Variants in SLC22A23 observed in about 807,000 individuals in gnomAD.
The protein encoded by SLC22A23 is ion transporter protein.
Under a neutral mutation model 61.0 loss-of-function variants are expected in SLC22A23, and 26 were observed. That is an observed-to-expected ratio of 0.43 (90% CI 0.31 to 0.59). The LOEUF (loss-of-function observed/expected upper bound fraction) is 0.59. SLC22A23 is among the 20% of genes least tolerant of loss of function. SLC22A23 has a pLI of 0.11. For missense variants in SLC22A23, 796 were observed against 934.7 expected (o/e 0.85, Z 1.94); for synonymous variants, 430 against 413.9 (o/e 1.04, Z -0.47).
chr6:3,348,870 G>A (rs563298705), intron 3 of SLC22A23, among the ~76,000 whole-genome samples: 2 of 152,350 alleles, frequency 1.3e-5, no homozygotes, highest in South Asian at 2.1e-4. Flanking sequence ...CCAGGGCAGG[G>A]AGGGCTTAGG....
At position 3,272,846 on chromosome 6, in the gene SLC22A23, A is replaced by T. The variant is rs1163306845; in HGVS notation, c.*209T>A. The T allele has an allele frequency of 2.1e-6, 1 of 483,280 alleles. No individual in the cohort carries two copies. Among genetic ancestry groups the T allele is most frequent in the Non-Finnish European group, 3.6e-6 (1 of 275,504 alleles). The allele number at this position is 483,280 out of a possible 1,614,324, so 29.9% of individuals were successfully genotyped here. On this transcript the variant is annotated 3_prime_UTR_variant, in exon 10 of 10. Transcript: ENST00000406686. ...ATACACACATTTAACGGCAGAAAAG[A>T]AAGTCTTGAAAGGGTTATTTCCAAA...
Position 3,320,142 on chromosome 6 carries a change from C to T in SLC22A23, c.1082+3692G>A, listed in dbSNP as rs565820522. ...TCACGCTTCTCTCTGGTTCAGATGC[C>T]CTGGGAGCTGCCTCTGTGTCTGCTC... is the stretch of plus-strand genomic sequence containing the variant. On this transcript the variant is annotated intron_variant, in intron 4 of 9. Transcript: ENST00000406686. Among the ~76,000 whole-genome samples the T allele has an allele frequency of 1.3e-5, 2 of 152,292 alleles. 1 individual carries two copies. The highest frequency in any genetic ancestry group is 4.8e-5 in the African/African-American group (2 of 41,548).
At chr6:3,283,449 T>C in intron 9 of SLC22A23, 2 of 261,188 alleles carry the variant, frequency 7.7e-6, no homozygotes, top group Non-Finnish European at 1.5e-5. Flanking sequence ...GGCCGGGGGG[T>C]AGGCTCTTTC....
chr6:3,282,744 CAGTA>C, intron 9 of SLC22A23, among the ~76,000 whole-genome samples: 1 of 152,332 alleles, frequency 6.6e-6, no homozygotes, highest in African/African-American at 2.4e-5. Context: ...TCAAGCTCCT[CAGTA>C]AGTCACAAAC....
At chr6:3,298,994 A>C (rs1342922791) in intron 4 of SLC22A23, among the ~76,000 whole-genome samples, 3 of 151,732 alleles carry the variant, frequency 2.0e-5, no homozygotes, top group African/African-American at 7.3e-5. Flanking sequence ...AAAAAAAAAA[A>C]AATGTTCCCA....
intron 1 of SLC22A23, among the ~76,000 whole-genome samples, chr6:3,447,895 C>CA (rs746167920): frequency 1.3e-5 from 1 of 78,130 alleles, no homozygotes. Flanking sequence ...GCCTCTCTCT[C>CA]TCTTTTTTTT....
intron 6 of SLC22A23, among the ~76,000 whole-genome samples, chr6:3,287,848 T>A (rs1439993534): frequency 1.3e-5 from 2 of 152,090 alleles, no homozygotes; most frequent in Non-Finnish European, 2.9e-5. Context: ...CATGCCCAGC[T>A]AATTTTTGTA....
At chr6:3,416,103 T>C (rs1769682701) in intron 1 of SLC22A23, among the ~76,000 whole-genome samples, 1 of 152,210 alleles carries the variant, frequency 6.6e-6, no homozygotes, top group African/African-American at 2.4e-5. Context: ...ACGCAGGAAG[T>C]CTGGGGATGT....
In SLC22A23 at chr6:3,437,903, A is replaced by G. The variant is rs532871874; in HGVS notation, c.654+18003T>C. 1.1e-3 allele frequency among the ~76,000 whole-genome samples: 169 copies of G among 151,902 alleles called. 1 individual carries two copies. The highest frequency in any genetic ancestry group is 3.9e-3 in the African/African-American group (163 of 41,500). Reference sequence around the variant, plus strand: ...GCTGGGACTACAGGCATGTGCCACCACACCCAGCTAATTTTTTCGTGAAGA... The same window carrying G: ...GCTGGGACTACAGGCATGTGCCACCGCACCCAGCTAATTTTTTCGTGAAGA... On this transcript the variant is annotated intron_variant, in intron 1 of 9. Transcript: ENST00000406686.
intron 9 of SLC22A23, chr6:3,282,174 G>A (rs1759527365): frequency 1.4e-6 from 1 of 702,240 alleles, no homozygotes; most frequent in Admixed American, 2.0e-5. Context: ...CTGGTCTATT[G>A]AAAGACTTGG....
chr6:3,408,620 G>A (rs1443999858), intron 3 of SLC22A23, among the ~76,000 whole-genome samples: 1 of 152,154 alleles, frequency 6.6e-6, no homozygotes, highest in Admixed American at 6.5e-5. Context: ...CCCATTCTCT[G>A]GCAGCTTCAG....
intron 1 of SLC22A23, among the ~76,000 whole-genome samples, chr6:3,420,140 G>A (rs1307299055): frequency 2.6e-5 from 4 of 151,554 alleles, no homozygotes; most frequent in Non-Finnish European, 4.4e-5. Context: ...GCCATGTGAC[G>A]CTTCTGAGCC....
At position 3,317,672 on chromosome 6, in the gene SLC22A23, C is replaced by T. The variant is rs1380803452; in HGVS notation, c.1082+6162G>A. Reference sequence around the variant, plus strand: ...GAGCAAAATGACTAAAGATGCATTTCTCTTCAGGCATCTGCGTCCATCAGT... The same window carrying T: ...GAGCAAAATGACTAAAGATGCATTTTTCTTCAGGCATCTGCGTCCATCAGT... On this transcript the variant is annotated intron_variant, in intron 4 of 9. Transcript: ENST00000406686. The surrounding 1 kb of genome is among the most constrained non-coding windows in gnomAD (Gnocchi z 4.4). Among the ~76,000 whole-genome samples, 1 of 152,200 alleles carries T rather than the reference C, an allele frequency of 6.6e-6. No individual in the cohort carries two copies. Among genetic ancestry groups the T allele is most frequent in the East Asian group, 1.9e-4 (1 of 5,202 alleles).
rs1561850556 is a variant in SLC22A23, at chr6:3,271,682, G to T, written c.*1373C>A. 6.6e-6 allele frequency: 1 copy of T among 152,352 alleles called. No individual in the cohort carries two copies. Among genetic ancestry groups the T allele is most frequent in the Non-Finnish European group, 1.5e-5 (1 of 68,044 alleles). The allele number at this position is 152,352 out of a possible 1,614,324, so 9.4% of individuals were successfully genotyped here. A position where few individuals can be genotyped will look rare whatever the true frequency, so the allele number is the denominator to read the frequency against. ...CTGGTGCCCAAGTTGCTACAAAGTGGTGCCTGCCCTTGCCAAGGAGGCTGT... is the reference window on the plus strand; with the variant it reads ...CTGGTGCCCAAGTTGCTACAAAGTGTTGCCTGCCCTTGCCAAGGAGGCTGT... On this transcript the variant is annotated 3_prime_UTR_variant, in exon 10 of 10. Coordinates refer to ENST00000406686, the MANE Select transcript of SLC22A23 (RefSeq NM_015482.2).
intron 9 of SLC22A23, among the ~76,000 whole-genome samples, chr6:3,280,717 C>T (rs1480126630): frequency 3.3e-5 from 5 of 152,006 alleles, no homozygotes; most frequent in Non-Finnish European, 5.9e-5. Context: ...CAGATCCTCT[C>T]GATCTCCTGA....
At chr6:3,283,051 C>G (rs960760411) in intron 9 of SLC22A23, among the ~76,000 whole-genome samples, 1 of 152,198 alleles carries the variant, frequency 6.6e-6, no homozygotes, top group African/African-American at 2.4e-5. Flanking sequence ...AGTGGGCTCT[C>G]CATCCATGTT....
chr6:3,402,251 G>T (rs1300155155), intron 3 of SLC22A23, among the ~76,000 whole-genome samples: 1 of 152,168 alleles, frequency 6.6e-6, no homozygotes, highest in Admixed American at 6.5e-5. Flanking sequence ...TCTTTGGCCT[G>T]CTCACACTGC....
At chr6:3,371,697 T>C (rs1376136127) in intron 3 of SLC22A23, among the ~76,000 whole-genome samples, 1 of 152,228 alleles carries the variant, frequency 6.6e-6, no homozygotes, top group African/African-American at 2.4e-5. Flanking sequence ...ACCAAATGAA[T>C]GTTAGCTAAT....
rs74381334 is a variant in SLC22A23 at position 3,322,487 on chromosome 6, G to A, written c.1082+1347C>T. On this transcript the variant is annotated intron_variant, in intron 4 of 9. Transcript: ENST00000406686. This position sits in a 1 kb window ranked among gnomAD's most constrained non-coding sequence, Gnocchi z 4.1. ...TGGAACACGGTTGTGCTGCGGGAGG[G>A]GTTTGGACATCCAACTTCGGGACAA... Among the ~76,000 whole-genome samples the A allele has an allele frequency of 2.4e-3, 366 of 152,324 alleles. No homozygotes were observed. Among genetic ancestry groups the A allele is most frequent in the Non-Finnish European group, 4.2e-3 (286 of 68,026 alleles).
Sources: allele counts gnomAD v4.1 joint callset (sites outside exome capture counted in the v4.1 genomes callset), GRCh38; gene constraint gnomAD v4.1.1; non-coding constraint Gnocchi (gnomAD v3.1); transcripts MANE v1.5; gene names NCBI Gene and HGNC (gene_info 2026-07-23, HGNC 2026-07-21).